The following SCAF11 variants were observed in gnomAD, a reference collection of about 807,000 sequenced individuals.
SCAF11 encodes the protein protein SCAF11.
A neutral mutation model predicts 140.5 loss-of-function variants in SCAF11; 47 were observed. That is an observed-to-expected ratio of 0.33 (90% CI 0.26 to 0.43). SCAF11 has a LOEUF of 0.43. Ranked by LOEUF, SCAF11 falls within the 20% of genes least tolerant of loss-of-function variation. The pLI, the probability that SCAF11 is intolerant of heterozygous loss-of-function variation, is 1.00. For missense variants in SCAF11, 1,645 were observed against 1,705.1 expected, an observed-to-expected ratio of 0.96 and a Z score of 0.62; for synonymous variants, 557 against 579.4, an observed-to-expected ratio of 0.96 and a Z score of 0.55.
intron 8 of SCAF11, 49 bp from the exon 9 acceptor site, chr12:45,933,281 C>G (rs1249138905): frequency 7.6e-7 from 1 of 1,319,016 alleles, no homozygotes. Flanking sequence ...ATTTTAGGTT[C>G]AAAAAAACAA....
chr12:45,927,096 T>C lies in SCAF11; in HGVS notation c.2605A>G (p.Arg869Gly). Reference protein sequence around the residue: ...RRQSQSRSPKRDTTRESRRSE... With the variant: ...RRQSQSRSPKGDTTRESRRSE... Reference sequence around the variant, plus strand: ...CTTCTGCTTTCCCTAGTAGTATCCCTTTTTGGAGACCGAGACTGAGATTGC... The same window carrying C: ...CTTCTGCTTTCCCTAGTAGTATCCCCTTTTGGAGACCGAGACTGAGATTGC... The change falls in exon 11 of 15, where the codon AGG becomes GGG. Residue 869 changes from arginine to glycine, a missense_variant. Coordinates refer to ENST00000369367, the MANE Select transcript of SCAF11 (RefSeq NM_004719.3). The C allele has an allele frequency of 6.2e-7, 1 of 1,614,164 alleles. No individual in the cohort carries two copies. Among genetic ancestry groups the C allele is most frequent in the Non-Finnish European group, 8.5e-7 (1 of 1,180,000 alleles).
chr12:45,959,271 T>TAA (rs879300794), intron 3 of SCAF11, among the ~76,000 whole-genome samples: 2 of 130,136 alleles, frequency 1.5e-5, no homozygotes, highest in African/African-American at 5.7e-5. Context: ...CTGTCTCAAA[T>TAA]AAAAAAAAAA....
chr12:45,948,576 G>A, intron 4 of SCAF11, 39 bp from the exon 5 acceptor site: 1 of 1,239,824 alleles, frequency 8.1e-7, no homozygotes, highest in Non-Finnish European at 1.2e-6. Context: ...CAACAATCCA[G>A]CCTTACAAAT....
At chr12:45,936,333 G>T (rs549510500) in intron 6 of SCAF11, among the ~76,000 whole-genome samples, 16 of 151,652 alleles carry the variant, frequency 1.1e-4, no homozygotes, top group Non-Finnish European at 1.9e-4. Flanking sequence ...GTAGAGATGG[G>T]GTTTCACCAT....
At chr12:45,945,059 AG>A in intron 6 of SCAF11, 189 bp downstream of exon 6, 1 of 555,576 alleles carries the variant, frequency 1.8e-6, no homozygotes, top group Non-Finnish European at 3.1e-6. Flanking sequence ...AGGAGCAAGA[AG>A]GAAAAAAGGG....
At chr12:45,955,991 A>G in intron 3 of SCAF11, 1 of 653,512 alleles carries the variant, frequency 1.5e-6, no homozygotes, top group South Asian at 1.7e-5. Flanking sequence ...TTTGATAGAA[A>G]AAAATAATCT....
At chr12:45,978,180 T>C (rs923661112) in intron 1 of SCAF11, among the ~76,000 whole-genome samples, 1 of 152,166 alleles carries the variant, frequency 6.6e-6, no homozygotes, top group Admixed American at 6.5e-5. Flanking sequence ...CTGTAAACAG[T>C]AGCATATGTC....
chr12:45,986,682 C>T (rs1200486200), intron 1 of SCAF11, among the ~76,000 whole-genome samples: 1 of 152,150 alleles, frequency 6.6e-6, no homozygotes, highest in African/African-American at 2.4e-5. Context: ...CCCATAATTC[C>T]CACGTGTTGT....
At chr12:45,959,957 T>C (rs1212404419) in intron 3 of SCAF11, among the ~76,000 whole-genome samples, 1 of 152,202 alleles carries the variant, frequency 6.6e-6, no homozygotes, top group Admixed American at 6.5e-5. Flanking sequence ...AATAGCAGCA[T>C]AAAGATAAGT....
rs1944662312 is a variant in SCAF11, at chr12:45,919,681, G to A, written c.*2367C>T. The A allele has an allele frequency of 6.6e-6, 1 of 152,048 alleles. No homozygotes were observed. Among genetic ancestry groups the A allele is most frequent in the African/African-American group, 2.4e-5 (1 of 41,398 alleles). The allele number at this position is 152,048 out of a possible 1,614,324, so 9.4% of individuals were successfully genotyped here. On this transcript the variant is annotated 3_prime_UTR_variant, in exon 15 of 15. Coordinates refer to ENST00000369367, the MANE Select transcript of SCAF11 (RefSeq NM_004719.3). ...AAACATTTCAAAATTTTAAAAGTTC[G>A]AATTCTAATCAAGTAGCTATTAATG...
At chr12:45,936,129 CTA>C (rs1000767626) in intron 6 of SCAF11, among the ~76,000 whole-genome samples, 3 of 151,442 alleles carry the variant, frequency 2.0e-5, no homozygotes, top group Admixed American at 6.6e-5. Flanking sequence ...TTATACTACT[CTA>C]TGTGTGGTTT....
At chr12:45,984,927 T>C (rs1446292983) in intron 1 of SCAF11, among the ~76,000 whole-genome samples, 1 of 152,200 alleles carries the variant, frequency 6.6e-6, no homozygotes, top group East Asian at 1.9e-4. Flanking sequence ...ACTCCTGACC[T>C]CAAGTGATCC....
At chr12:45,930,795 A>C (rs894168415) in intron 10 of SCAF11, among the ~76,000 whole-genome samples, 5 of 151,996 alleles carry the variant, frequency 3.3e-5, no homozygotes, top group African/African-American at 1.2e-4. Context: ...GATGAAATAG[A>C]CTAGTACCTA....
In SCAF11 at chr12:45,941,252, C is replaced by T. The variant is rs75742176; in HGVS notation, c.463+3997G>A. Among the ~76,000 whole-genome samples the T allele has an allele frequency of 7.2e-3, 1,095 of 152,138 alleles. 10 individuals carry two copies. Among genetic ancestry groups the T allele is most frequent in the African/African-American group, 0.025 (1,037 of 41,496 alleles). Reference sequence around the variant, plus strand: ...CTATGGTCGTAGACACCTTACTTATCGAAAAACGAATTTGCCTGTCATCTT... The same window carrying T: ...CTATGGTCGTAGACACCTTACTTATTGAAAAACGAATTTGCCTGTCATCTT... On this transcript the variant is annotated intron_variant, in intron 6 of 14. Coordinates refer to ENST00000369367, the MANE Select transcript of SCAF11 (RefSeq NM_004719.3).
rs557535562 is a variant in SCAF11 at position 45,924,904 on chromosome 12, G to C, written c.3730C>G (p.Arg1244Gly). The change falls in exon 12 of 15, where the codon CGC (arginine) becomes GGC (glycine). Residue 1244 changes from arginine (R) to glycine (G), a missense_variant. Physicochemically the swap from Arg to Gly is moderately radical, Grantham distance 125. Around this residue, in one of 2 missense-constraint regions of SCAF11, gnomAD observed 1,582 missense variants for 1,609.2 expected, o/e 0.98. Coordinates refer to ENST00000369367, the MANE Select transcript of SCAF11 (RefSeq NM_004719.3). ...GVHAPLMNIQ[R>G]NPFNIHPQLP... ...TGAGGATGAATGTTAAATGGATTGC[G>C]TTGGATGTTCATCAAAGGAGCATGA... The C allele has an allele frequency of 1.2e-6, 2 of 1,614,110 alleles. No homozygotes were observed. Among genetic ancestry groups the C allele is most frequent in the East Asian group, 4.5e-5 (2 of 44,878 alleles).
intron 3 of SCAF11, among the ~76,000 whole-genome samples, chr12:45,953,222 T>G (rs868627359): frequency 3.3e-5 from 5 of 152,214 alleles, no homozygotes; most frequent in Admixed American, 1.3e-4. Flanking sequence ...TTAAGAAGGT[T>G]TGCTTCAGCA....
At chr12:45,945,536 CTTTTTTTTTTTT>C (rs36058160) in intron 5 of SCAF11, among the ~76,000 whole-genome samples, 1 of 122,064 alleles carries the variant, frequency 8.2e-6, no homozygotes, top group Non-Finnish European at 1.7e-5. Context: ...TTATCTCAGT[CTTTTTTTTTTTT>C]TTTTTTTTGA....
chr12:45,922,825 T>C, intron 13 of SCAF11, 111 bp downstream of exon 13: 1 of 1,016,740 alleles, frequency 9.8e-7, no homozygotes, highest in East Asian at 2.4e-5. Context: ...AATAATGGCA[T>C]TTAGACAGCC....
chr12:45,924,137 G>A (rs936738821), intron 12 of SCAF11, among the ~76,000 whole-genome samples: 1 of 152,140 alleles, frequency 6.6e-6, no homozygotes, highest in African/African-American at 2.4e-5. Context: ...CACCATGCCC[G>A]GCCTAGGATT....
Sources: allele counts gnomAD v4.1 joint callset (sites outside exome capture counted in the v4.1 genomes callset), GRCh38; gene constraint gnomAD v4.1.1; regional missense constraint gnomAD v4.1.1; transcripts MANE v1.5; gene names NCBI Gene and HGNC (gene_info 2026-07-23, HGNC 2026-07-21).